Variants in SOD2 observed in about 807,000 individuals in gnomAD.
The protein encoded by SOD2 is superoxide dismutase [Mn], mitochondrial.
In SOD2, 11 loss-of-function variants were observed where a neutral mutation model predicts 27.0. The observed-to-expected ratio is 0.41, with a 90% CI of 0.26 to 0.67. SOD2 has a LOEUF of 0.67. Among genes scored for constraint, SOD2 ranks in the 30% least tolerant of loss-of-function variants. The pLI is 0.34. For synonymous variants in SOD2, 105 were observed against 103.0 expected (o/e 1.02, Z -0.12); for missense variants, 250 against 274.5 (o/e 0.91, Z 0.63).
At chr6:159,745,583 A>C (rs911012825), upstream of SOD2, among the ~76,000 whole-genome samples, 2 of 152,170 alleles carry the variant, frequency 1.3e-5, no homozygotes, top group Non-Finnish European at 1.5e-5. Context: ...TATATATGGC[A>C]GATGAGGATA....
intron 1 of SOD2, chr6:159,712,913 G>T: frequency 1.6e-6 from 1 of 640,052 alleles, no homozygotes; most frequent in South Asian, 1.8e-5. Context: ...TGTTCCTATA[G>T]CATTTAAAAA....
At position 159,669,297 on chromosome 6, in the gene SOD2, T is replaced by C. The variant is rs533224971; in HGVS notation, c.*13196A>G. On this transcript the variant is annotated 3_prime_UTR_variant, in exon 5 of 5. Transcript: ENST00000538183. ...TGCAGCTATTAGAGTGTTCTGCACCTATTAGAATGTTCTGTAAATGTCAGG... is the reference window on the plus strand; with the variant it reads ...TGCAGCTATTAGAGTGTTCTGCACCCATTAGAATGTTCTGTAAATGTCAGG... 1 of 152,358 alleles carries C rather than the reference T, an allele frequency of 6.6e-6. No individual in the cohort carries two copies. Among genetic ancestry groups the C allele is most frequent in the South Asian group, 2.1e-4 (1 of 4,824 alleles). 9.4% of individuals were successfully genotyped at this position (152,358 alleles called of 1,614,324 possible).
chr6:159,738,965 A>T, intron 1 of SOD2: 1 of 1,583,730 alleles, frequency 6.3e-7, no homozygotes, highest in Non-Finnish European at 8.7e-7. Context: ...AGAACACTAA[A>T]TTCATATTGT....
chr6:159,745,226 C>T (rs189920376), upstream of SOD2: 4 of 152,220 alleles, frequency 2.6e-5, no homozygotes, highest in East Asian at 1.9e-4. Flanking sequence ...ATTTCTCTTC[C>T]GGATTCCTAC....
At position 159,682,357 on chromosome 6, in the gene SOD2, A is replaced by T; in HGVS notation, c.*136T>A. The stretch of plus-strand genomic sequence containing the variant: ...TTAGTAAGAAATTATTCAGAACATT[A>T]AGTTGTTTATGAAATAAGTGACTAA... On this transcript the variant is annotated 3_prime_UTR_variant, in exon 5 of 5. Transcript: ENST00000538183. 1 of 611,950 alleles carries T rather than the reference A, an allele frequency of 1.6e-6. No individual in the cohort carries two copies. The highest frequency in any genetic ancestry group is 2.5e-6 in the Non-Finnish European group (1 of 393,124). The allele number at this position is 611,950 out of a possible 1,614,324, so 37.9% of individuals were successfully genotyped here.
At chr6:159,762,015 G>C (rs1780145380) in exon 1 of SOD2, 1 of 1,560,502 alleles carries the variant, frequency 6.4e-7, no homozygotes, top group African/African-American at 1.4e-5. Context: ...CCCGCGGCAG[G>C]CCTGTGGGCT....
chr6:159,702,850 GAAAAAAAAAAAAA>G (rs35570449), intron 1 of SOD2, among the ~76,000 whole-genome samples: 1 of 30,666 alleles, frequency 3.3e-5, no homozygotes, highest in Non-Finnish European at 5.9e-5. Flanking sequence ...ACCCTATCTC[GAAAAAAAAAAAAA>G]AAAAAAAAAA....
intron 3 of SOD2, among the ~76,000 whole-genome samples, chr6:159,685,325 C>T (rs1780139320): frequency 6.9e-6 from 1 of 145,822 alleles, no homozygotes; most frequent in Admixed American, 7.2e-5. Flanking sequence ...TCACTGCAAC[C>T]TCTGCCTCCC....
chr6:159,702,197 G>C (rs192912890), intron 1 of SOD2, among the ~76,000 whole-genome samples: 3 of 152,118 alleles, frequency 2.0e-5, no homozygotes, highest in Non-Finnish European at 4.4e-5. Flanking sequence ...GCTAACACCT[G>C]TAATCCCGGT....
intron 1 of SOD2, chr6:159,742,229 G>T: frequency 8.2e-7 from 1 of 1,222,748 alleles, no homozygotes; most frequent in Non-Finnish European, 1.2e-6. Flanking sequence ...TTTTATTAAA[G>T]CAAATGTAAT....
intron 1 of SOD2, among the ~76,000 whole-genome samples, chr6:159,705,855 G>T (rs1334767680): frequency 6.6e-6 from 1 of 152,154 alleles, no homozygotes; most frequent in African/African-American, 2.4e-5. Context: ...AAATGTTAAG[G>T]GCAGCCAGAG....
intron 1 of SOD2, among the ~76,000 whole-genome samples, chr6:159,751,435 G>C (rs1460820601): frequency 6.6e-6 from 1 of 152,168 alleles, no homozygotes; most frequent in African/African-American, 2.4e-5. Flanking sequence ...AGACAGTTTT[G>C]AGAGCATAGG....
chr6:159,709,835 C>G (rs180692094), intron 1 of SOD2, among the ~76,000 whole-genome samples: 10 of 152,142 alleles, frequency 6.6e-5, no homozygotes, highest in Non-Finnish European at 1.3e-4. Context: ...TATTGCGGCA[C>G]TACTCACAAT....
chr6:159,695,239 C>T (rs146376311), upstream of SOD2, among the ~76,000 whole-genome samples: 2 of 152,106 alleles, frequency 1.3e-5, no homozygotes, highest in Non-Finnish European at 2.9e-5. Context: ...TATTGGGAGG[C>T]TGAGCTCAGG....
chr6:159,759,476 CCTGA>C (rs1416391843), intron 1 of SOD2, among the ~76,000 whole-genome samples: 10 of 151,440 alleles, frequency 6.6e-5, no homozygotes, highest in South Asian at 2.1e-4. Flanking sequence ...TCGAGATCAG[CCTGA>C]CTAACATGGT....
At chr6:159,744,371 G>C (rs1252739899) in intron 1 of SOD2, among the ~76,000 whole-genome samples, 2 of 152,146 alleles carry the variant, frequency 1.3e-5, no homozygotes, top group Non-Finnish European at 2.9e-5. Context: ...AGAGGCAGCT[G>C]TATCCTTGTT....
intron 1 of SOD2, among the ~76,000 whole-genome samples, chr6:159,716,994 A>C (rs953090762): frequency 6.6e-6 from 1 of 152,228 alleles, no homozygotes; most frequent in Admixed American, 6.5e-5. Context: ...AGCAATGCCT[A>C]GTCATTCTGG....
At chr6:159,692,383 A>G in intron 2 of SOD2, 1 of 1,328,948 alleles carries the variant, frequency 7.5e-7, no homozygotes, top group African/African-American at 1.5e-5. Flanking sequence ...TGCTGGCAAT[A>G]TGTGTAACGG....
chr6:159,688,820 A>G (rs1780313929), intron 2 of SOD2, among the ~76,000 whole-genome samples: 1 of 152,142 alleles, frequency 6.6e-6, no homozygotes, highest in Admixed American at 6.6e-5. Context: ...CCAATCCACC[A>G]GCATATCCAT....
Sources: allele counts gnomAD v4.1 joint callset (sites outside exome capture counted in the v4.1 genomes callset), GRCh38; gene constraint gnomAD v4.1.1; transcripts MANE v1.5; gene names NCBI Gene and HGNC (gene_info 2026-07-23, HGNC 2026-07-21).